ARHGAP21: variants seen among roughly 807,000 people sequenced by gnomAD.
ARHGAP21 encodes rho GTPase-activating protein 21.
ARHGAP21 carries 38 observed loss-of-function variants against 164.6 expected under a neutral mutation model. The observed-to-expected ratio is 0.23, with a 90% CI of 0.18 to 0.30. The LOEUF is 0.30. Ranked by LOEUF, ARHGAP21 falls within the 10% of genes least tolerant of loss-of-function variation. The pLI is 1.00. For missense variants in ARHGAP21, 1,822 were observed against 2,370.7 expected (o/e 0.77, Z 4.81); for synonymous variants, 766 against 857.9 (o/e 0.89, Z 1.87).
At chr10:24,677,845 G>A (rs1168418367) in intron 2 of ARHGAP21, among the ~76,000 whole-genome samples, 1 of 152,098 alleles carries the variant, frequency 6.6e-6, no homozygotes, top group African/African-American at 2.4e-5. Flanking sequence ...AGGACCTACT[G>A]TTTACCCAAC....
chr10:24,592,835 CTAGTACATCAAAATCACTA>C (rs1000279342), intron 21 of ARHGAP21, among the ~76,000 whole-genome samples: 3 of 152,036 alleles, frequency 2.0e-5, no homozygotes, highest in African/African-American at 7.2e-5. Flanking sequence ...ATTTTTCCCT[CTAGTACATCAAAATCACTA>C]ATGTGTAAAC....
chr10:24,629,868 A>G (rs1442533298), intron 7 of ARHGAP21, 128 bp downstream of exon 7: 1 of 754,740 alleles, frequency 1.3e-6, no homozygotes, highest in Admixed American at 2.1e-5. Context: ...AGATTCTGTA[A>G]AAGGAACCAG....
chr10:24,620,816 C>T lies in ARHGAP21; in HGVS notation c.1079G>A (p.Ser360Asn). The T allele has an allele frequency of 6.2e-7, 1 of 1,614,104 alleles. No individual in the cohort carries two copies. Residue 360 changes from serine to asparagine, a missense_variant, in exon 9 of 26, where the codon AGC becomes AAC. Coordinates refer to ENST00000396432, the MANE Select transcript of ARHGAP21 (RefSeq NM_020824.4). ...NYSGHSDGIS[S>N]SRSQAVEAPS... is the part of the protein sequence containing the mutation. ...AGCCTCCACAGCTTGAGATCTGCTG[C>T]TTGAGATTCCATCAGAATGTCCACT...
intron 2 of ARHGAP21, among the ~76,000 whole-genome samples, chr10:24,674,406 C>T (rs551158215): frequency 9.8e-4 from 149 of 152,066 alleles, no homozygotes; most frequent in Non-Finnish European, 1.5e-3. Flanking sequence ...TGGTGGCATG[C>T]GCCTGTAATC....
chr10:24,713,188 A>C (rs984533175), intron 2 of ARHGAP21, among the ~76,000 whole-genome samples: 29 of 152,234 alleles, frequency 1.9e-4, no homozygotes, highest in Admixed American at 1.6e-3. Flanking sequence ...GAACAAAAAA[A>C]TAGAACTCAA....
At chr10:24,684,507 A>G (rs1443948156) in intron 2 of ARHGAP21, among the ~76,000 whole-genome samples, 2 of 152,216 alleles carry the variant, frequency 1.3e-5, no homozygotes, top group Non-Finnish European at 2.9e-5. Flanking sequence ...TTCTTTTTAA[A>G]TGATATCTTA....
At chr10:24,618,068 T>C (rs748315069) in intron 9 of ARHGAP21, among the ~76,000 whole-genome samples, 3 of 152,194 alleles carry the variant, frequency 2.0e-5, no homozygotes, top group Non-Finnish European at 4.4e-5. Flanking sequence ...TATGCGATTT[T>C]AGAGATGTTA....
chr10:24,604,439 C>G, intron 11 of ARHGAP21, 91 bp from the exon 12 acceptor site: 9 of 803,558 alleles, frequency 1.1e-5, no homozygotes, highest in Non-Finnish European at 1.7e-5. Context: ...ATTACTCTTT[C>G]AATAATAATC....
chr10:24,644,240 AG>A (rs1837349059), intron 4 of ARHGAP21, among the ~76,000 whole-genome samples: 1 of 152,022 alleles, frequency 6.6e-6, no homozygotes. Flanking sequence ...GAAAATCCCT[AG>A]TCTTCTCTCC....
intron 2 of ARHGAP21, among the ~76,000 whole-genome samples, chr10:24,702,959 G>C (rs1843839359): frequency 6.6e-6 from 1 of 152,094 alleles, no homozygotes; most frequent in South Asian, 2.1e-4. Context: ...ATGTTCAACA[G>C]ATAAATGGTT....
At position 24,596,893 on chromosome 10, in the gene ARHGAP21, C is replaced by A. The variant is rs1487041985; in HGVS notation, c.3335-11G>T. On this transcript the variant is annotated splice_polypyrimidine_tract_variant and intron_variant, in intron 16 of 25. Coordinates refer to ENST00000396432, the MANE Select transcript of ARHGAP21 (RefSeq NM_020824.4). Reference sequence around the variant, plus strand: ...GGGGACTGGTATCATCTTTTGATTGCCAGTCAAAATAAAACAACATAATAA... The same window carrying A: ...GGGGACTGGTATCATCTTTTGATTGACAGTCAAAATAAAACAACATAATAA... 3.8e-6 allele frequency: 6 copies of A among 1,588,862 alleles called. No individual in the cohort carries two copies. Among genetic ancestry groups the A allele is most frequent in the Non-Finnish European group, 5.1e-6 (6 of 1,173,382 alleles).
intron 4 of ARHGAP21, among the ~76,000 whole-genome samples, chr10:24,644,174 C>T (rs1167505714): frequency 6.6e-6 from 1 of 152,034 alleles, no homozygotes; most frequent in African/African-American, 2.4e-5. Context: ...GTCATCAGTC[C>T]TCTTCAGGAC....
intron 23 of ARHGAP21, 99 bp downstream of exon 23, chr10:24,591,543 G>A (rs988965273): frequency 1.4e-6 from 2 of 1,465,194 alleles, no homozygotes; most frequent in East Asian, 4.5e-5. Flanking sequence ...GGGGCGCAAA[G>A]CGGACAATAG....
chr10:24,689,749 T>C (rs1842534860), intron 2 of ARHGAP21, among the ~76,000 whole-genome samples: 1 of 151,566 alleles, frequency 6.6e-6, no homozygotes, highest in South Asian at 2.1e-4. Context: ...GTCTCAAAAA[T>C]AATTATATCT....
At chr10:24,660,809 C>T (rs1194668311) in intron 4 of ARHGAP21, among the ~76,000 whole-genome samples, 1 of 152,084 alleles carries the variant, frequency 6.6e-6, no homozygotes, top group Non-Finnish European at 1.5e-5. Context: ...AATGGTGCAG[C>T]GATTGTGAAG....
At chr10:24,705,784 T>C (rs994564724) in intron 2 of ARHGAP21, among the ~76,000 whole-genome samples, 2 of 152,228 alleles carry the variant, frequency 1.3e-5, no homozygotes, top group African/African-American at 2.4e-5. Flanking sequence ...TTTTTAAAGA[T>C]TCACTGATAA....
intron 2 of ARHGAP21, among the ~76,000 whole-genome samples, chr10:24,708,672 T>A (rs1844479105): frequency 6.6e-6 from 1 of 152,220 alleles, no homozygotes. Context: ...AGCGAGAACA[T>A]GCAATATTCA....
At chr10:24,674,972 T>G (rs1474449062) in intron 2 of ARHGAP21, among the ~76,000 whole-genome samples, 1 of 152,170 alleles carries the variant, frequency 6.6e-6, no homozygotes, top group African/African-American at 2.4e-5. Context: ...CAACTAGAAC[T>G]CTCAGACACT....
chr10:24,612,586 G>A (rs749457024), intron 9 of ARHGAP21, among the ~76,000 whole-genome samples: 11 of 152,202 alleles, frequency 7.2e-5, no homozygotes, highest in African/African-American at 1.7e-4. Flanking sequence ...CAGGTGTGGT[G>A]GCTCACGCCT....
Sources: allele counts gnomAD v4.1 joint callset (sites outside exome capture counted in the v4.1 genomes callset), GRCh38; gene constraint gnomAD v4.1.1; transcripts MANE v1.5; gene names NCBI Gene and HGNC (gene_info 2026-07-23, HGNC 2026-07-21).